STK38: variants seen among roughly 807,000 people sequenced by gnomAD.
STK38 encodes serine/threonine kinase 38, also known as serine/threonine-protein kinase 38.
In STK38, 26 loss-of-function variants were observed where a neutral mutation model predicts 59.0. That is an observed-to-expected ratio of 0.44 (90% CI 0.32 to 0.61). STK38 has a LOEUF of 0.61. Among genes scored for constraint, STK38 ranks in the 20% least tolerant of loss-of-function variants. The pLI, the probability that STK38 is intolerant of heterozygous loss-of-function variation, is 0.04. For missense variants in STK38, 433 were observed against 566.0 expected, an observed-to-expected ratio of 0.76 and a Z score of 2.38; for synonymous variants, 175 against 176.6, an observed-to-expected ratio of 0.99 and a Z score of 0.07.
intron 5 of STK38, 32 bp downstream of exon 5, chr6:36,521,702 A>G: frequency 6.7e-7 from 1 of 1,501,550 alleles, no homozygotes. Context: ...AAAAATTAAT[A>G]AGCTAAAAGC....
intron 7 of STK38, among the ~76,000 whole-genome samples, chr6:36,512,983 C>T (rs1283614212): frequency 1.3e-5 from 2 of 151,824 alleles, no homozygotes; most frequent in Admixed American, 1.3e-4. Context: ...TTCTTTAATA[C>T]TGTCTGTAAT....
chr6:36,539,238 T>C (rs556951079), intron 2 of STK38, among the ~76,000 whole-genome samples: 57 of 151,826 alleles, frequency 3.8e-4, no homozygotes, highest in African/African-American at 1.2e-3. Context: ...ATACAAAAAT[T>C]AGCCAGGCGT....
chr6:36,513,819 C>A (rs1406293100), intron 7 of STK38, among the ~76,000 whole-genome samples: 3 of 134,048 alleles, frequency 2.2e-5, no homozygotes, highest in African/African-American at 8.6e-5. Context: ...GCCTGGGCAG[C>A]AAAGCGAGAC....
chr6:36,497,348 A>G (rs566421209), intron 12 of STK38, among the ~76,000 whole-genome samples: 2 of 152,264 alleles, frequency 1.3e-5, no homozygotes, highest in South Asian at 4.1e-4. Context: ...TACTACCCCC[A>G]CCATAACAAT....
chr6:36,501,163 A>G (rs1776828337), intron 9 of STK38, among the ~76,000 whole-genome samples: 1 of 151,968 alleles, frequency 6.6e-6, no homozygotes. Flanking sequence ...CATCTTGCCC[A>G]GACTGGTCTT....
At chr6:36,532,542 A>G (rs1264940762) in intron 2 of STK38, among the ~76,000 whole-genome samples, 2 of 152,048 alleles carry the variant, frequency 1.3e-5, no homozygotes, top group African/African-American at 2.4e-5. Flanking sequence ...TTGGGAGGCC[A>G]AGGCGGGTGG....
chr6:36,508,486 CTCTTA>C (rs1435857838), intron 7 of STK38, among the ~76,000 whole-genome samples: 4 of 152,176 alleles, frequency 2.6e-5, no homozygotes, highest in Non-Finnish European at 4.4e-5. Flanking sequence ...GCTTTTCCTC[CTCTTA>C]TAACATTGGA....
At chr6:36,536,250 T>C (rs1400166873) in intron 2 of STK38, among the ~76,000 whole-genome samples, 1 of 152,214 alleles carries the variant, frequency 6.6e-6, no homozygotes, top group Non-Finnish European at 1.5e-5. Flanking sequence ...AAAATCAATC[T>C]GAACTCCCCA....
intron 2 of STK38, among the ~76,000 whole-genome samples, chr6:36,527,230 T>TATA (rs1561986951): frequency 7.4e-6 from 1 of 134,416 alleles, no homozygotes; most frequent in African/African-American, 2.9e-5. Context: ...ATATATATAT[T>TATA]TATATGTATA....
chr6:36,547,373 A>G lies in STK38; in HGVS notation c.-189T>C, dbSNP rs1778075028. On this transcript the variant is annotated 5_prime_UTR_variant, in exon 1 of 14. Transcript: ENST00000229812. Reference sequence around the variant, plus strand: ...GGCGGTTACGGGTGAGGACAACAGGAAGCGTTCCAACTGCCGGAAAAGACG... The same window carrying G: ...GGCGGTTACGGGTGAGGACAACAGGGAGCGTTCCAACTGCCGGAAAAGACG... The G allele has an allele frequency of 6.6e-6, 1 of 152,372 alleles. No homozygotes were observed. Among genetic ancestry groups the G allele is most frequent in the East Asian group, 1.9e-4 (1 of 5,202 alleles). The allele number at this position is 152,372 out of a possible 1,614,324, so 9.4% of individuals were successfully genotyped here. A position where few individuals can be genotyped will look rare whatever the true frequency, so the allele number is the denominator to read the frequency against.
chr6:36,521,654 T>C lies in STK38; in HGVS notation c.390+80A>G, dbSNP rs914571676. 7 of 1,013,566 alleles carry C rather than the reference T, an allele frequency of 6.9e-6. No individual in the cohort carries two copies. In the African/African-American group the frequency reaches 8.3e-5, roughly 12 times the overall value. 62.8% of individuals were successfully genotyped at this position (1,013,566 alleles called of 1,614,324 possible). A position where few individuals can be genotyped will look rare whatever the true frequency, so the allele number is the denominator to read the frequency against. On this transcript the variant is annotated intron_variant, in intron 5 of 13. Coordinates refer to ENST00000229812, the MANE Select transcript of STK38 (RefSeq NM_007271.4). ...GCTAAAGAAAACTGTAATAAAAATA[T>C]ATATTTCAATTAAACAAAAAGAAAA...
chr6:36,524,473 A>G lies in STK38; in HGVS notation c.184-10T>C. On this transcript the variant is annotated splice_polypyrimidine_tract_variant and intron_variant, in intron 3 of 13. Transcript: ENST00000229812. The stretch of plus-strand genomic sequence containing the variant: ...ATCTCCGGAGTCGTTTCTAATATTT[A>G]AATAAAAAAGGGAGGAGACGGGAAG... 6.4e-7 allele frequency: 1 copy of G among 1,552,654 alleles called. No homozygotes were observed. The highest frequency in any genetic ancestry group is 2.3e-5 in the East Asian group (1 of 42,822).
At chr6:36,511,392 T>C (rs1017497174) in intron 7 of STK38, among the ~76,000 whole-genome samples, 4 of 151,972 alleles carry the variant, frequency 2.6e-5, no homozygotes, top group Admixed American at 2.6e-4. Context: ...AGTCTCGCTC[T>C]GTTACCCAGG....
At chr6:36,529,532 G>A (rs1329399301) in intron 2 of STK38, among the ~76,000 whole-genome samples, 1 of 152,154 alleles carries the variant, frequency 6.6e-6, no homozygotes, top group East Asian at 1.9e-4. Context: ...AACCCTAGGA[G>A]AGAGACGAAG....
intron 1 of STK38, among the ~76,000 whole-genome samples, chr6:36,544,620 AC>A (rs1778016801): frequency 6.6e-6 from 1 of 152,196 alleles, no homozygotes; most frequent in Non-Finnish European, 1.5e-5. Context: ...GCACTGGTGC[AC>A]CCCTGTAATC....
At chr6:36,510,266 A>G (rs1217259305) in intron 7 of STK38, among the ~76,000 whole-genome samples, 3 of 152,204 alleles carry the variant, frequency 2.0e-5, no homozygotes, top group Non-Finnish European at 4.4e-5. Context: ...CTTGGCACCC[A>G]AAGTCCAGAG....
intron 13 of STK38, among the ~76,000 whole-genome samples, chr6:36,496,242 C>T (rs2127464563): frequency 6.6e-6 from 1 of 152,048 alleles, no homozygotes; most frequent in South Asian, 2.1e-4. Context: ...TGGAGTTTCA[C>T]CATGTTGGCC....
chr6:36,528,453 T>C (rs1171241547), intron 2 of STK38, among the ~76,000 whole-genome samples: 3 of 152,076 alleles, frequency 2.0e-5, no homozygotes, highest in Admixed American at 6.6e-5. Flanking sequence ...CAACTGGCAA[T>C]AGGAGTCAAG....
At chr6:36,518,740 G>C (rs1190285550) in intron 5 of STK38, among the ~76,000 whole-genome samples, 3 of 152,066 alleles carry the variant, frequency 2.0e-5, no homozygotes, top group Non-Finnish European at 4.4e-5. Context: ...TCTTTTTTAA[G>C]TGTCACAAGG....
Sources: gnomAD v4.1 joint callset for allele counts (sites outside exome capture counted in the v4.1 genomes callset) on GRCh38, gnomAD v4.1.1 for gene constraint, MANE v1.5 for transcripts, NCBI Gene and HGNC (gene_info 2026-07-23, HGNC 2026-07-21) for gene names.